Variants in KIAA1549 observed in about 807,000 individuals in gnomAD.
KIAA1549 encodes UPF0606 protein KIAA1549.
Under a neutral mutation model 156.4 loss-of-function variants are expected in KIAA1549, and 70 were observed. The ratio of observed to expected loss-of-function variants is 0.45; its 90% CI spans 0.37 to 0.55. The LOEUF (loss-of-function observed/expected upper bound fraction) is 0.55. Ranked by LOEUF, KIAA1549 falls within the 20% of genes least tolerant of loss-of-function variation. The pLI is 0.00. For missense variants in KIAA1549, 2,428 were observed against 2,540.9 expected (o/e 0.96, Z 0.96); for synonymous variants, 1,103 against 1,066.4 (o/e 1.03, Z -0.67).
At chr7:138,855,998 A>C (rs993212516) in intron 16 of KIAA1549, among the ~76,000 whole-genome samples, 1 of 151,776 alleles carries the variant, frequency 6.6e-6, no homozygotes, top group Non-Finnish European at 1.5e-5. Context: ...AAATTAGAAG[A>C]AGCATATCCC....
intron 1 of KIAA1549, among the ~76,000 whole-genome samples, chr7:138,921,625 G>A (rs931281114): frequency 1.3e-5 from 2 of 152,156 alleles, no homozygotes; most frequent in Non-Finnish European, 2.9e-5. Flanking sequence ...CCAGCACTTT[G>A]GAAGGCCGAG....
At chr7:138,967,317 C>T (rs987939935) in intron 1 of KIAA1549, among the ~76,000 whole-genome samples, 1 of 152,062 alleles carries the variant, frequency 6.6e-6, no homozygotes, top group Non-Finnish European at 1.5e-5. Context: ...ATTACGGAGG[C>T]GGTTGCTAAT....
At chr7:138,953,077 T>C (rs1813546191) in intron 1 of KIAA1549, among the ~76,000 whole-genome samples, 1 of 152,202 alleles carries the variant, frequency 6.6e-6, no homozygotes, top group South Asian at 2.1e-4. Context: ...CAGCTGTAGC[T>C]GGGCACGGTG....
intron 13 of KIAA1549, among the ~76,000 whole-genome samples, chr7:138,870,900 C>A (rs975404529): frequency 1.3e-5 from 2 of 152,196 alleles, no homozygotes; most frequent in African/African-American, 2.4e-5. Flanking sequence ...TCAGTGCAAA[C>A]TCCCCCTCCC....
At chr7:138,979,080 G>C (rs1192404144) in intron 1 of KIAA1549, among the ~76,000 whole-genome samples, 1 of 152,216 alleles carries the variant, frequency 6.6e-6, no homozygotes, top group African/African-American at 2.4e-5. Flanking sequence ...TGGAGCACAG[G>C]GGCTGTGCCC....
At chr7:138,881,981 A>T (rs1300898525) in intron 10 of KIAA1549, among the ~76,000 whole-genome samples, 1 of 152,256 alleles carries the variant, frequency 6.6e-6, no homozygotes, top group Non-Finnish European at 1.5e-5. Flanking sequence ...ATCAGGAAGC[A>T]GAGAACACTG....
chr7:138,835,839 G>A lies in KIAA1549; in HGVS notation c.*2067C>T, dbSNP rs1268416509. The A allele has an allele frequency of 4.5e-6, 1 of 221,970 alleles. No homozygotes were observed. The highest frequency in any genetic ancestry group is 2.2e-5 in the African/African-American group (1 of 44,714). 13.8% of individuals were successfully genotyped at this position (221,970 alleles called of 1,614,324 possible). On this transcript the variant is annotated 3_prime_UTR_variant, in exon 20 of 20. Transcript: ENST00000422774. ...CTCCAATGCTCCTTGGAGCCTCTGA[G>A]GATCGCCTGATAAGATGCTGCTGGT...
chr7:138,959,025 G>A (rs1192497723), intron 1 of KIAA1549, among the ~76,000 whole-genome samples: 3 of 151,942 alleles, frequency 2.0e-5, no homozygotes, highest in Non-Finnish European at 4.4e-5. Flanking sequence ...TCAGCCCCCC[G>A]AGTAGCTGGG....
At chr7:138,901,326 ATTTTT>A (rs55728739) in intron 8 of KIAA1549, among the ~76,000 whole-genome samples, 1 of 132,864 alleles carries the variant, frequency 7.5e-6, no homozygotes, top group Non-Finnish European at 1.6e-5. Flanking sequence ...CTTGAGTTTT[ATTTTT>A]TTTTTTTTTT....
chr7:138,839,578 C>G (rs962543768), intron 19 of KIAA1549, among the ~76,000 whole-genome samples: 1 of 152,080 alleles, frequency 6.6e-6, no homozygotes, highest in African/African-American at 2.4e-5. Context: ...AGAGTTGTCA[C>G]CTATAGATTC....
At chr7:138,933,051 A>T (rs1449799357) in intron 1 of KIAA1549, among the ~76,000 whole-genome samples, 1 of 152,194 alleles carries the variant, frequency 6.6e-6, no homozygotes, top group African/African-American at 2.4e-5. Context: ...CCGAGAGACC[A>T]GGCACGTGCA....
intron 19 of KIAA1549, 108 bp downstream of exon 19, chr7:138,840,025 C>T (rs1204893207): frequency 1.3e-5 from 12 of 951,912 alleles, no homozygotes; most frequent in East Asian, 8.5e-5. Context: ...CTCCTGACTT[C>T]GTGATCCGCC....
intron 10 of KIAA1549, among the ~76,000 whole-genome samples, chr7:138,890,914 C>T (rs898174371): frequency 2.0e-5 from 3 of 152,220 alleles, no homozygotes; most frequent in African/African-American, 2.4e-5. Context: ...ACCTGGCTTT[C>T]GGCTGTGCCC....
rs557317431 is a variant in KIAA1549, at chr7:138,849,842, G to C, written c.5294+2381C>G. Reference sequence around the variant, plus strand: ...TGGTTTTCTGTTCCTGCATTAGTTTGCTAAGGATAACGGCCTCTGGCTCCA... The same window carrying C: ...TGGTTTTCTGTTCCTGCATTAGTTTCCTAAGGATAACGGCCTCTGGCTCCA... On this transcript the variant is annotated intron_variant, in intron 17 of 19. Coordinates refer to ENST00000422774, the MANE Select transcript of KIAA1549 (RefSeq NM_001164665.2). Among the ~76,000 whole-genome samples, 125 of 152,258 alleles carry C rather than the reference G, an allele frequency of 8.2e-4. 1 individual carries two copies. The highest frequency in any genetic ancestry group is 2.9e-3 in the African/African-American group (120 of 41,550).
At position 138,869,655 on chromosome 7, in the gene KIAA1549, A is replaced by G. The variant is rs1406752159; in HGVS notation, c.4658T>C (p.Leu1553Pro). The G allele has an allele frequency of 1.9e-6, 3 of 1,611,976 alleles. No individual in the cohort carries two copies. Among genetic ancestry groups the G allele is most frequent in the Admixed American group, 3.3e-5 (2 of 59,992 alleles). ...TCGCTCCTTAGTGTCGCCCGAGGAC[A>G]GGTCGTCTACCACCGGGAACTCGTA... ...GHYEFPVVDD[L>P]SSGDTKERHR... The change falls in exon 14 of 20, where the codon CTG becomes CCG. Residue 1553 changes from leucine to proline, a missense_variant. Coordinates refer to ENST00000422774, the MANE Select transcript of KIAA1549 (RefSeq NM_001164665.2).
rs964429910 is a variant in KIAA1549, at chr7:138,869,485, C to T, written c.4775+53G>A. 12 of 1,407,958 alleles carry T rather than the reference C, an allele frequency of 8.5e-6. No individual in the cohort carries two copies. The African/African-American group carries it at 1.7e-4, about 20-fold the overall frequency. 87.2% of individuals were successfully genotyped at this position (1,407,958 alleles called of 1,614,324 possible). A position where few individuals can be genotyped will look rare whatever the true frequency, so the allele number is the denominator to read the frequency against. The stretch of plus-strand genomic sequence containing the variant: ...GGCTCCTGTCCTGCTCCTGTGCCCC[C>T]CGCAGCACCTCTGCGCGCCCGCCCC... On this transcript the variant is annotated intron_variant, in intron 14 of 19. Transcript: ENST00000422774.
intron 1 of KIAA1549, among the ~76,000 whole-genome samples, chr7:138,954,577 C>T (rs978011339): frequency 1.3e-5 from 2 of 152,152 alleles, no homozygotes; most frequent in Non-Finnish European, 1.5e-5. Flanking sequence ...GGTTCCTCCT[C>T]GTCTGTCAGG....
chr7:138,886,019 C>T (rs140952172), intron 10 of KIAA1549, among the ~76,000 whole-genome samples: 28 of 151,188 alleles, frequency 1.9e-4, no homozygotes, highest in African/African-American at 6.6e-4. Flanking sequence ...TGAGGAAAGC[C>T]CCCCCCCAAA....
intron 1 of KIAA1549, among the ~76,000 whole-genome samples, chr7:138,954,351 G>A (rs953928428): frequency 4.6e-5 from 7 of 152,168 alleles, no homozygotes; most frequent in Non-Finnish European, 8.8e-5. Flanking sequence ...CACGGGGCAT[G>A]GCTAAGTCGT....
Sources: gnomAD v4.1 joint callset for allele counts (sites outside exome capture counted in the v4.1 genomes callset) on GRCh38, gnomAD v4.1.1 for gene constraint, MANE v1.5 for transcripts, NCBI Gene and HGNC (gene_info 2026-07-23, HGNC 2026-07-21) for gene names.